RALYL: variants seen among roughly 807,000 people sequenced by gnomAD.
RALYL encodes RNA-binding Raly-like protein.
Under a neutral mutation model 35.1 loss-of-function variants are expected in RALYL, and 29 were observed. That is an observed-to-expected ratio of 0.83 (90% confidence interval 0.61 to 1.13). The LOEUF is 1.13. Ranked by LOEUF, RALYL falls within the 50% of genes most tolerant of loss-of-function variation. RALYL has a pLI of 0.00. For synonymous variants in RALYL, 120 were observed against 127.6 expected (o/e 0.94, Z 0.40); for missense variants, 359 against 360.4 (o/e 1.00, Z 0.03).
intron 2 of RALYL, among the ~76,000 whole-genome samples, chr8:84,645,242 G>T (rs1827240244): frequency 6.6e-6 from 1 of 151,740 alleles, no homozygotes; most frequent in African/African-American, 2.4e-5. Flanking sequence ...CCCCCACTAT[G>T]TTGTGTTTTT....
At chr8:84,673,815 G>A (rs988066858) in intron 2 of RALYL, among the ~76,000 whole-genome samples, 2 of 152,202 alleles carry the variant, frequency 1.3e-5, no homozygotes, top group Admixed American at 1.3e-4. Context: ...GTAGTGCAAC[G>A]CCTCCAGTTT....
intron 1 of RALYL, among the ~76,000 whole-genome samples, chr8:84,490,693 AT>A (rs1320860911): frequency 4.0e-5 from 6 of 150,736 alleles, no homozygotes; most frequent in African/African-American, 1.2e-4. Context: ...AGATGTGGGT[AT>A]TTTTTTATAA....
chr8:84,244,747 G>A (rs1828727163), intron 1 of RALYL, among the ~76,000 whole-genome samples: 2 of 152,284 alleles, frequency 1.3e-5, no homozygotes, highest in South Asian at 4.1e-4. Context: ...CAGTTTCTGT[G>A]GATCTGCTGG....
intron 8 of RALYL, among the ~76,000 whole-genome samples, chr8:84,908,208 G>A (rs941477398): frequency 6.6e-6 from 1 of 152,140 alleles, no homozygotes; most frequent in Non-Finnish European, 1.5e-5. Flanking sequence ...CAATTTTTGT[G>A]ATGAGAACAT....
chr8:84,486,144 A>G (rs919771859), intron 1 of RALYL, among the ~76,000 whole-genome samples: 1 of 150,918 alleles, frequency 6.6e-6, no homozygotes, highest in Non-Finnish European at 1.5e-5. Flanking sequence ...TGACACATAC[A>G]TTGGATTATT....
intron 2 of RALYL, among the ~76,000 whole-genome samples, chr8:84,553,548 G>A (rs2060896601): frequency 6.6e-6 from 1 of 152,168 alleles, no homozygotes; most frequent in African/African-American, 2.4e-5. Context: ...CCATCTGCCA[G>A]CCTCACAACA....
At chr8:84,417,971 G>A (rs1398253443) in intron 1 of RALYL, among the ~76,000 whole-genome samples, 1 of 152,114 alleles carries the variant, frequency 6.6e-6, no homozygotes, top group Non-Finnish European at 1.5e-5. Flanking sequence ...AAGACATAGA[G>A]ATCTTTTCCC....
At chr8:84,614,228 G>A (rs376470081) in intron 2 of RALYL, among the ~76,000 whole-genome samples, 1 of 151,600 alleles carries the variant, frequency 6.6e-6, no homozygotes, top group East Asian at 1.9e-4. Flanking sequence ...ATATAAGTAC[G>A]AGTATCAGTA....
At chr8:84,512,716 A>T (rs374957579) in intron 1 of RALYL, among the ~76,000 whole-genome samples, 5 of 152,218 alleles carry the variant, frequency 3.3e-5, no homozygotes, top group East Asian at 1.9e-4. Flanking sequence ...GTATGATAAT[A>T]GACGGGTCTA....
chr8:84,782,033 A>ACG (rs1818305354), intron 3 of RALYL, among the ~76,000 whole-genome samples: 1 of 56,528 alleles, frequency 1.8e-5, no homozygotes, highest in Non-Finnish European at 4.3e-5. Flanking sequence ...ACACGCGCGC[A>ACG]CACACACACA....
intron 2 of RALYL, among the ~76,000 whole-genome samples, chr8:84,595,436 C>CTA (rs1448880526): frequency 2.0e-5 from 3 of 152,196 alleles, no homozygotes; most frequent in Non-Finnish European, 2.9e-5. Flanking sequence ...GACTGATGTA[C>CTA]AATGAGTCTA....
At chr8:84,745,681 C>T (rs1270528514) in intron 2 of RALYL, among the ~76,000 whole-genome samples, 1 of 152,002 alleles carries the variant, frequency 6.6e-6, no homozygotes, top group Non-Finnish European at 1.5e-5. Flanking sequence ...CTTCTAGGCC[C>T]TCTCCTCAAG....
chr8:84,661,302 A>G (rs1830861774), intron 2 of RALYL, among the ~76,000 whole-genome samples: 1 of 152,108 alleles, frequency 6.6e-6, no homozygotes, highest in Non-Finnish European at 1.5e-5. Context: ...AGAATACAGT[A>G]AGATATATGA....
chr8:84,693,536 G>T (rs577263951), intron 2 of RALYL, among the ~76,000 whole-genome samples: 221 of 151,964 alleles, frequency 1.5e-3, no homozygotes, highest in Non-Finnish European at 2.2e-3. Context: ...ATGAGATTTT[G>T]GTGGGGACAT....
intron 2 of RALYL, among the ~76,000 whole-genome samples, chr8:84,694,821 T>C (rs371406430): frequency 1.3e-5 from 2 of 151,974 alleles, no homozygotes; most frequent in East Asian, 3.9e-4. Context: ...CGGAATAGGC[T>C]GTTTGTTTTT....
chr8:84,572,193 T>C (rs1808168469), intron 2 of RALYL, among the ~76,000 whole-genome samples: 1 of 151,554 alleles, frequency 6.6e-6, no homozygotes, highest in Admixed American at 6.6e-5. Flanking sequence ...ATGCAGCAGA[T>C]GTTTGGGTCT....
rs1172773292 is a variant in RALYL, at chr8:84,242,678, G to T, written c.-24+58254G>T. On this transcript the variant is annotated intron_variant, in intron 1 of 8. Coordinates refer to ENST00000521268, the MANE Select transcript of RALYL (RefSeq NM_173848.7). ...ATGCGCTTTGCCCACTTTTTGATGG[G>T]GTTGTTTGTTTTTTACTTGTAAATT... is the stretch of plus-strand genomic sequence containing the variant. Among the ~76,000 whole-genome samples, 3 of 151,900 alleles carry T rather than the reference G, an allele frequency of 2.0e-5. 1 individual carries two copies. Among genetic ancestry groups the T allele is most frequent in the South Asian group, 4.2e-4 (2 of 4,812 alleles).
At chr8:84,368,934 A>G (rs538779605) in intron 1 of RALYL, among the ~76,000 whole-genome samples, 1 of 152,302 alleles carries the variant, frequency 6.6e-6, no homozygotes, top group East Asian at 1.9e-4. Flanking sequence ...ACTTCATGGC[A>G]AGTTTGTCTG....
At chr8:84,594,329 A>G (rs568704038) in intron 2 of RALYL, among the ~76,000 whole-genome samples, 4 of 152,250 alleles carry the variant, frequency 2.6e-5, no homozygotes, top group African/African-American at 7.2e-5. Flanking sequence ...TGCCTAGCAT[A>G]TAAGGATGTA....
Sources: allele counts gnomAD v4.1 joint callset (sites outside exome capture counted in the v4.1 genomes callset), GRCh38; gene constraint gnomAD v4.1.1; transcripts MANE v1.5; gene names NCBI Gene and HGNC (gene_info 2026-07-23, HGNC 2026-07-21).